Variants in CNTN4 observed in about 807,000 individuals in gnomAD.
CNTN4 encodes contactin-4.
A neutral mutation model predicts 122.5 loss-of-function variants in CNTN4; 77 were observed. The ratio of observed to expected loss-of-function variants is 0.63; its 90% CI spans 0.52 to 0.76. The LOEUF (loss-of-function observed/expected upper bound fraction) is 0.76, where lower values mean the gene tolerates loss of function less well. Ranked by LOEUF, CNTN4 falls within the 30% of genes least tolerant of loss-of-function variation. CNTN4 has a pLI of 0.00. For synonymous variants in CNTN4, 512 were observed against 447.0 expected (o/e 1.15, Z -1.83); for missense variants, 1,256 against 1,259.1 (o/e 1.00, Z 0.04).
At chr3:2,272,961 C>T (rs536501269) in intron 2 of CNTN4, among the ~76,000 whole-genome samples, 1 of 152,078 alleles carries the variant, frequency 6.6e-6, no homozygotes, top group South Asian at 2.1e-4. Context: ...TAAGTATGTC[C>T]CCAAAGCCCT....
chr3:2,388,883 C>T (rs999929205), intron 3 of CNTN4, among the ~76,000 whole-genome samples: 3 of 151,512 alleles, frequency 2.0e-5, no homozygotes, highest in African/African-American at 7.3e-5. Flanking sequence ...CCAGGCCAGG[C>T]GCAGTGTCTC....
chr3:3,044,268 T>G (rs1700421549), intron 23 of CNTN4, among the ~76,000 whole-genome samples: 1 of 152,216 alleles, frequency 6.6e-6, no homozygotes, highest in Non-Finnish European at 1.5e-5. Context: ...TATAAATATC[T>G]TGCAACGTTT....
At chr3:2,717,283 T>G (rs758233514) in intron 4 of CNTN4, among the ~76,000 whole-genome samples, 1 of 152,128 alleles carries the variant, frequency 6.6e-6, no homozygotes, top group Non-Finnish European at 1.5e-5. Flanking sequence ...GCAAATAATA[T>G]GGTTTTTTAT....
At chr3:2,747,567 A>G (rs898039023) in intron 6 of CNTN4, among the ~76,000 whole-genome samples, 2 of 152,192 alleles carry the variant, frequency 1.3e-5, no homozygotes, top group African/African-American at 4.8e-5. Context: ...ATAGAATCTC[A>G]TATTCAAGGA....
At chr3:2,668,189 A>G (rs1452134772) in intron 4 of CNTN4, among the ~76,000 whole-genome samples, 3 of 152,080 alleles carry the variant, frequency 2.0e-5, no homozygotes, top group African/African-American at 4.8e-5. Flanking sequence ...GGGCAGTATG[A>G]CCATTTTCAC....
At chr3:2,549,122 AAT>A (rs2078373118) in intron 3 of CNTN4, among the ~76,000 whole-genome samples, 2 of 152,052 alleles carry the variant, frequency 1.3e-5, no homozygotes, top group African/African-American at 4.8e-5. Flanking sequence ...GGGTTTTCTA[AAT>A]ATACAATCAT....
Position 3,034,802 on chromosome 3 carries a change from G to T in CNTN4, c.1942+12G>T. On this transcript the variant is annotated intron_variant, in intron 17 of 24. Transcript: ENST00000418658. Reference sequence around the variant, plus strand: ...AGCAGTCAGTACAGGTACCATATTGGATGCTTGGCTCAGAGACATTGGGAA... The same window carrying T: ...AGCAGTCAGTACAGGTACCATATTGTATGCTTGGCTCAGAGACATTGGGAA... 1 of 1,614,012 alleles carries T rather than the reference G, an allele frequency of 6.2e-7. No individual in the cohort carries two copies. Among genetic ancestry groups the T allele is most frequent in the Non-Finnish European group, 8.5e-7 (1 of 1,179,910 alleles).
Position 2,312,646 on chromosome 3 carries a change from G to A in CNTN4, c.-144-26532G>A, listed in dbSNP as rs138902018. 3.7e-3 allele frequency among the ~76,000 whole-genome samples: 556 copies of A among 152,122 alleles called. 1 individual carries two copies. Among genetic ancestry groups the A allele is most frequent in the Non-Finnish European group, 5.3e-3 (362 of 67,948 alleles). On this transcript the variant is annotated intron_variant, in intron 2 of 24. Coordinates refer to ENST00000418658, the MANE Select transcript of CNTN4 (RefSeq NM_175607.3). ...TTTCCAATAATAAAAAAAATGGTGC[G>A]TTTTGGAATACTTGTGCTTTTTGAA...
intron 6 of CNTN4, among the ~76,000 whole-genome samples, chr3:2,797,988 T>C (rs889148046): frequency 6.6e-6 from 1 of 151,368 alleles, no homozygotes; most frequent in Non-Finnish European, 1.5e-5. Flanking sequence ...ATATATCCTG[T>C]AGTGGTGAAG....
intron 3 of CNTN4, among the ~76,000 whole-genome samples, chr3:2,371,526 G>A (rs537226087): frequency 3.9e-5 from 6 of 152,142 alleles, no homozygotes; most frequent in South Asian, 4.1e-4. Flanking sequence ...TGTCCGTATC[G>A]TTCAAAGATG....
chr3:2,506,360 G>A (rs1252962686), intron 3 of CNTN4, among the ~76,000 whole-genome samples: 1 of 152,188 alleles, frequency 6.6e-6, no homozygotes, highest in African/African-American at 2.4e-5. Flanking sequence ...TGAAAAAGCC[G>A]ATTATAAATA....
chr3:2,570,020 C>T (rs1250192039), intron 3 of CNTN4, among the ~76,000 whole-genome samples: 2 of 151,912 alleles, frequency 1.3e-5, no homozygotes, highest in Non-Finnish European at 2.9e-5. Context: ...AGATGCTTCA[C>T]ATATACATTC....
At chr3:2,140,217 A>G (rs1355238744) in intron 2 of CNTN4, among the ~76,000 whole-genome samples, 8 of 152,168 alleles carry the variant, frequency 5.3e-5, no homozygotes, top group African/African-American at 1.9e-4. Context: ...GTATGTCTTT[A>G]TTAGCAGTGT....
intron 2 of CNTN4, among the ~76,000 whole-genome samples, chr3:2,261,880 C>T (rs538656192): frequency 2.0e-5 from 3 of 152,212 alleles, no homozygotes; most frequent in Admixed American, 1.3e-4. Context: ...ATGTTGAAAG[C>T]GATTTTATTG....
intron 6 of CNTN4, among the ~76,000 whole-genome samples, chr3:2,746,086 T>TACAC (rs57086556): frequency 1.3e-4 from 6 of 46,226 alleles, no homozygotes; most frequent in Non-Finnish European, 2.2e-4. Flanking sequence ...GAACAAATTT[T>TACAC]ACACACACAC....
chr3:2,230,857 G>GCA (rs1345931435), intron 2 of CNTN4, among the ~76,000 whole-genome samples: 3 of 151,936 alleles, frequency 2.0e-5, no homozygotes, highest in Non-Finnish European at 4.4e-5. Context: ...GCATGGTGGT[G>GCA]CACGCCTCTA....
At chr3:3,001,163 G>A (rs551371079) in intron 14 of CNTN4, among the ~76,000 whole-genome samples, 6 of 152,226 alleles carry the variant, frequency 3.9e-5, no homozygotes, top group African/African-American at 1.4e-4. Context: ...AGTGATAAAG[G>A]GGAATGTGGC....
At chr3:2,570,053 G>A (rs1367956092) in intron 3 of CNTN4, among the ~76,000 whole-genome samples, 1 of 149,432 alleles carries the variant, frequency 6.7e-6, no homozygotes, top group African/African-American at 2.6e-5. Context: ...CTGGCAGGAT[G>A]GGTGGGAGAA....
At chr3:2,673,957 G>A (rs2084686264) in intron 4 of CNTN4, among the ~76,000 whole-genome samples, 2 of 152,160 alleles carry the variant, frequency 1.3e-5, no homozygotes, top group Non-Finnish European at 2.9e-5. Context: ...AGCCCATGTG[G>A]AAGAGGACAG....
Sources: allele counts gnomAD v4.1 joint callset (sites outside exome capture counted in the v4.1 genomes callset), GRCh38; gene constraint gnomAD v4.1.1; transcripts MANE v1.5; gene names NCBI Gene and HGNC (gene_info 2026-07-23, HGNC 2026-07-21).